The following CSMD3 variants were observed in gnomAD, a reference collection of about 807,000 sequenced individuals.
The protein encoded by CSMD3 is CUB and Sushi multiple domains 3.
CSMD3 carries 177 observed loss-of-function variants against 435.2 expected under a neutral mutation model. That is an observed-to-expected ratio of 0.41 (90% CI 0.36 to 0.46). The LOEUF is 0.46. Ranked by LOEUF, CSMD3 falls within the 20% of genes least tolerant of loss-of-function variation. The pLI, the probability that CSMD3 is intolerant of heterozygous loss-of-function variation, is 0.34. For missense variants in CSMD3, 4,265 were observed against 4,504.6 expected (o/e 0.95, Z 1.52); for synonymous variants, 1,656 against 1,520.5 (o/e 1.09, Z -2.07).
intron 9 of CSMD3, among the ~76,000 whole-genome samples, chr8:112,930,367 T>A (rs1386345378): frequency 1.3e-5 from 2 of 152,126 alleles, no homozygotes; most frequent in Non-Finnish European, 2.9e-5. Context: ...GATCTCTTAA[T>A]AGTGGCAACA....
intron 4 of CSMD3, among the ~76,000 whole-genome samples, chr8:113,158,963 T>G (rs1395543518): frequency 1.3e-5 from 2 of 152,016 alleles, no homozygotes; most frequent in African/African-American, 4.8e-5. Flanking sequence ...AAACAGTTTT[T>G]GTTGACATTA....
chr8:112,830,434 C>T (rs1564003913), intron 11 of CSMD3, among the ~76,000 whole-genome samples: 1 of 152,076 alleles, frequency 6.6e-6, no homozygotes, highest in Non-Finnish European at 1.5e-5. Flanking sequence ...CTAAAATATA[C>T]TCATGTATCC....
chr8:112,460,217 C>A (rs1817306219), intron 32 of CSMD3, among the ~76,000 whole-genome samples: 1 of 151,986 alleles, frequency 6.6e-6, no homozygotes, highest in Non-Finnish European at 1.5e-5. Context: ...TAGCTCAAGG[C>A]TGGATGTATA....
intron 2 of CSMD3, chr8:113,311,087 AATAGGTGATTTTTT>A (rs2093864749): frequency 1.3e-5 from 2 of 152,036 alleles, no homozygotes; most frequent in South Asian, 2.1e-4. Context: ...CTCATTAAAT[AATAGGTGATTTTTT>A]ACTTGTTGGT....
In CSMD3 at chr8:112,566,627, G is replaced by A. The variant is rs892201932; in HGVS notation, c.4042+6874C>T. On this transcript the variant is annotated intron_variant, in intron 24 of 70. Coordinates refer to ENST00000297405, the MANE Select transcript of CSMD3 (RefSeq NM_198123.2). ...CTTATAAAATCAAGCTGCAAACATA[G>A]ACAAGCAAGCTGGACACTTACATGG... Among the ~76,000 whole-genome samples the A allele has an allele frequency of 2.0e-5, 3 of 152,166 alleles. No homozygotes were observed. The East Asian group carries it at 5.8e-4, about 30-fold the overall frequency.
intron 13 of CSMD3, among the ~76,000 whole-genome samples, chr8:112,776,518 G>A (rs1285041090): frequency 6.6e-6 from 1 of 151,600 alleles, no homozygotes; most frequent in African/African-American, 2.4e-5. Flanking sequence ...TCTAGACTAA[G>A]GTCAGATTTT....
chr8:112,429,433 A>G (rs1813425627), intron 32 of CSMD3, among the ~76,000 whole-genome samples: 1 of 152,052 alleles, frequency 6.6e-6, no homozygotes, highest in Non-Finnish European at 1.5e-5. Flanking sequence ...CAAGCAAAAA[A>G]GATATATATA....
intron 9 of CSMD3, among the ~76,000 whole-genome samples, chr8:112,945,407 C>A (rs937645133): frequency 2.0e-5 from 3 of 151,702 alleles, no homozygotes; most frequent in Non-Finnish European, 4.4e-5. Flanking sequence ...ACTTACAAAT[C>A]TTTACAACTT....
intron 1 of CSMD3, among the ~76,000 whole-genome samples, chr8:113,348,043 T>C (rs975948210): frequency 6.6e-6 from 1 of 152,072 alleles, no homozygotes; most frequent in African/African-American, 2.4e-5. Context: ...TCCATATAAG[T>C]ACAACTGAGA....
At chr8:112,587,313 G>A in intron 22 of CSMD3, 78 bp from the exon 23 acceptor site, 1 of 1,064,822 alleles carries the variant, frequency 9.4e-7, no homozygotes, top group African/African-American at 1.6e-5. Flanking sequence ...GTATGGAAGT[G>A]TTATGCATTT....
At chr8:113,008,845 A>T (rs898949757) in intron 6 of CSMD3, among the ~76,000 whole-genome samples, 7 of 151,386 alleles carry the variant, frequency 4.6e-5, no homozygotes, top group Non-Finnish European at 1.0e-4. Flanking sequence ...TTATTATATT[A>T]ATTATAAGTT....
chr8:112,575,067 C>T lies in CSMD3; in HGVS notation c.3886-1410G>A, dbSNP rs373122725. Among the ~76,000 whole-genome samples the T allele has an allele frequency of 7.2e-4, 109 of 151,462 alleles. 2 individuals are homozygous for T. In the South Asian group the frequency reaches 0.021, roughly 29 times the overall value. ...TTATACTAGATTGTTGGTTTTAAAC[C>T]GATGATTTATTTAGAACGTTTCAAT... On this transcript the variant is annotated intron_variant, in intron 23 of 70. Coordinates refer to ENST00000297405, the MANE Select transcript of CSMD3 (RefSeq NM_198123.2).
intron 32 of CSMD3, among the ~76,000 whole-genome samples, chr8:112,422,437 A>T (rs1035809092): frequency 2.0e-5 from 3 of 152,212 alleles, no homozygotes; most frequent in Non-Finnish European, 4.4e-5. Flanking sequence ...GGAGTAGCAG[A>T]ATCTATTGAG....
chr8:112,278,550 C>G (rs1243517783), intron 59 of CSMD3, among the ~76,000 whole-genome samples: 1 of 152,092 alleles, frequency 6.6e-6, no homozygotes, highest in Non-Finnish European at 1.5e-5. Context: ...ATGTCTTACT[C>G]TATGACTATT....
chr8:112,894,671 G>T (rs147049626), intron 10 of CSMD3, among the ~76,000 whole-genome samples: 2 of 150,926 alleles, frequency 1.3e-5, no homozygotes, highest in African/African-American at 2.4e-5. Flanking sequence ...AATCAAATAC[G>T]CAACCTTCTA....
chr8:113,130,362 C>T (rs1176027822), intron 4 of CSMD3, among the ~76,000 whole-genome samples: 1 of 152,040 alleles, frequency 6.6e-6, no homozygotes, highest in African/African-American at 2.4e-5. Flanking sequence ...GAGGAATTTC[C>T]TCCTTGCTGT....
intron 22 of CSMD3, among the ~76,000 whole-genome samples, chr8:112,594,540 T>C (rs1186792720): frequency 6.6e-6 from 1 of 152,182 alleles, no homozygotes; most frequent in Non-Finnish European, 1.5e-5. Flanking sequence ...CCTGCCTGCC[T>C]CTGTAGGCTC....
intron 13 of CSMD3, among the ~76,000 whole-genome samples, chr8:112,751,632 T>G (rs1323127506): frequency 7.0e-6 from 1 of 142,016 alleles, no homozygotes; most frequent in Non-Finnish European, 1.6e-5. Flanking sequence ...GTTTAGGTTT[T>G]TTTTTTTTTT....
intron 13 of CSMD3, among the ~76,000 whole-genome samples, chr8:112,782,038 A>G (rs2132248182): frequency 6.6e-6 from 1 of 152,280 alleles, no homozygotes; most frequent in South Asian, 2.1e-4. Flanking sequence ...CCAGGCATCT[A>G]CGAACATCCA....
Sources: allele counts gnomAD v4.1 joint callset (sites outside exome capture counted in the v4.1 genomes callset), GRCh38; gene constraint gnomAD v4.1.1; transcripts MANE v1.5; gene names NCBI Gene and HGNC (gene_info 2026-07-23, HGNC 2026-07-21).